SOX5: variants seen among roughly 807,000 people sequenced by gnomAD.
SOX5 encodes the protein SRY-box transcription factor 5, also known as transcription factor SOX-5.
In SOX5, 9 loss-of-function variants were observed where a neutral mutation model predicts 92.0. That is an observed-to-expected ratio of 0.10 (90% CI 0.06 to 0.17). SOX5 has a LOEUF of 0.17. Ranked by LOEUF, SOX5 falls within the 10% of genes least tolerant of loss-of-function variation. The probability of loss-of-function intolerance (pLI) is 1.00; values close to 1 mark genes in which losing one functional copy is unlikely to be tolerated. For missense variants in SOX5, 642 were observed against 944.5 expected (o/e 0.68, Z 4.20); for synonymous variants, 344 against 336.3 (o/e 1.02, Z -0.25).
At chr12:23,822,695 A>G (rs767364440) in intron 3 of SOX5, among the ~76,000 whole-genome samples, 1 of 152,066 alleles carries the variant, frequency 6.6e-6, no homozygotes, top group Non-Finnish European at 1.5e-5. Flanking sequence ...TGTCTTGTTG[A>G]TCTAATATTG....
rs566444538 is a variant in SOX5, at chr12:24,544,878, A to G, written c.-251+17451T>C. On this transcript the variant is annotated intron_variant, in intron 1 of 4. Transcript: ENST00000446891. Reference sequence around the variant, plus strand: ...ATTTGAAGTGGGTGCAAAAAGAAGAAAAAGTCAACTGGCATGTTAGAAGAA... The same window carrying G: ...ATTTGAAGTGGGTGCAAAAAGAAGAGAAAGTCAACTGGCATGTTAGAAGAA... Among the ~76,000 whole-genome samples the G allele has an allele frequency of 7.9e-5, 12 of 152,352 alleles. No homozygotes were observed. The South Asian group carries it at 2.3e-3, about 29-fold the overall frequency.
intron 1 of SOX5, among the ~76,000 whole-genome samples, chr12:24,418,235 T>G (rs117643794): frequency 0.014 from 2,184 of 152,324 alleles, 23 homozygotes; most frequent in Middle Eastern, 0.024. Flanking sequence ...AATATCCCTT[T>G]CATTCCTTCC....
At chr12:24,418,804 C>T (rs372196463) in intron 1 of SOX5, among the ~76,000 whole-genome samples, 2 of 152,120 alleles carry the variant, frequency 1.3e-5, no homozygotes, top group African/African-American at 2.4e-5. Context: ...AATAATATAT[C>T]GTATTTTTCT....
chr12:24,068,830 T>C (rs1941321608), intron 4 of SOX5, among the ~76,000 whole-genome samples: 1 of 149,086 alleles, frequency 6.7e-6, no homozygotes, highest in Non-Finnish European at 1.5e-5. Context: ...GCAAAAAAGA[T>C]GCAGAAGGGC....
intron 4 of SOX5, among the ~76,000 whole-genome samples, chr12:24,198,758 A>G (rs1231780335): frequency 6.6e-6 from 1 of 152,234 alleles, no homozygotes; most frequent in Non-Finnish European, 1.5e-5. Flanking sequence ...TAGGGAGAAG[A>G]AAGATTCACC....
intron 4 of SOX5, among the ~76,000 whole-genome samples, chr12:24,195,891 T>C (rs1326565287): frequency 6.6e-6 from 1 of 152,194 alleles, no homozygotes; most frequent in Non-Finnish European, 1.5e-5. Flanking sequence ...TGTGTGTCTG[T>C]GTGTGTGTTT....
intron 14 of SOX5, 140 bp from the exon 15 acceptor site, chr12:23,534,662 C>G: frequency 1.6e-6 from 1 of 641,796 alleles, no homozygotes; most frequent in South Asian, 2.1e-5. Flanking sequence ...TTTTCAAACT[C>G]CATCCTACTT....
chr12:24,006,099 G>C (rs1399086671), intron 4 of SOX5, among the ~76,000 whole-genome samples: 4 of 152,014 alleles, frequency 2.6e-5, no homozygotes, highest in Non-Finnish European at 5.9e-5. Context: ...ATCTACAATG[G>C]GAAAAAATTA....
Position 24,493,130 on chromosome 12 carries a change from A to G in SOX5, c.-251+69199T>C, listed in dbSNP as rs910604059. ...GACTTTGTGAGGCCTGCCTATTTTA[A>G]AGCTCCCAACAAATGATATCCTTTT... is the stretch of plus-strand genomic sequence containing the variant. On this transcript the variant is annotated intron_variant, in intron 1 of 4. Transcript: ENST00000446891. Among the ~76,000 whole-genome samples, 11 of 152,072 alleles carry G rather than the reference A, an allele frequency of 7.2e-5. No homozygotes were observed. The South Asian group carries it at 1.9e-3, about 26-fold the overall frequency.
At position 23,744,076 on chromosome 12, in the gene SOX5, C is replaced by G. The variant is rs371604502; in HGVS notation, c.569-3037G>C. On this transcript the variant is annotated intron_variant, in intron 4 of 14. Coordinates refer to ENST00000451604, the MANE Select transcript of SOX5 (RefSeq NM_006940.6). The stretch of plus-strand genomic sequence containing the variant: ...CATCTTGCTGCATCTTCAGCATTCT[C>G]ACATGACTTCCTAGACATGATTTCA... Among the ~76,000 whole-genome samples, 7 of 152,312 alleles carry G rather than the reference C, an allele frequency of 4.6e-5. No homozygotes were observed. The East Asian group carries it at 1.2e-3, about 25-fold the overall frequency.
At chr12:23,773,960 T>C (rs998201661) in intron 3 of SOX5, among the ~76,000 whole-genome samples, 2 of 151,538 alleles carry the variant, frequency 1.3e-5, no homozygotes, top group African/African-American at 4.9e-5. Context: ...GAATTTTGGT[T>C]CTGTTCTTTA....
intron 5 of SOX5, chr12:23,738,549 C>T (rs1251759113): frequency 6.6e-6 from 1 of 151,954 alleles, no homozygotes; most frequent in African/African-American, 2.4e-5. Context: ...TTGTAAAGTT[C>T]CAAGGAGAAT....
chr12:24,123,962 C>T (rs970966292), intron 4 of SOX5, among the ~76,000 whole-genome samples: 48 of 152,318 alleles, frequency 3.2e-4, no homozygotes, highest in East Asian at 1.3e-3. Flanking sequence ...AAGAGTCTCA[C>T]CTTGTGCTAA....
intron 3 of SOX5, among the ~76,000 whole-genome samples, chr12:23,807,913 G>T (rs904414925): frequency 1.3e-5 from 2 of 152,058 alleles, no homozygotes; most frequent in Non-Finnish European, 2.9e-5. Context: ...CTCACAAAGC[G>T]TTGGGATTAC....
At position 24,048,282 on chromosome 12, in the gene SOX5, T is replaced by C. The variant is rs913457472; in HGVS notation, c.-1-152258A>G. 2.6e-5 allele frequency among the ~76,000 whole-genome samples: 4 copies of C among 152,146 alleles called. No individual in the cohort carries two copies. The South Asian group carries it at 6.2e-4, about 24-fold the overall frequency. On this transcript the variant is annotated intron_variant, in intron 4 of 4. Coordinates refer to the SOX5 transcript ENST00000446891. ...AGTTCATACGTGGTGAAGTTGGGAT[T>C]CAAATTTAGATGTATTATAAAACTC...
chr12:24,199,440 T>G (rs1957313317), intron 4 of SOX5, among the ~76,000 whole-genome samples: 1 of 152,166 alleles, frequency 6.6e-6, no homozygotes, highest in South Asian at 2.1e-4. Flanking sequence ...CCAATTAAAC[T>G]TAGAATCTCT....
At chr12:24,097,862 T>C (rs1418985860) in intron 4 of SOX5, among the ~76,000 whole-genome samples, 1 of 152,172 alleles carries the variant, frequency 6.6e-6, no homozygotes, top group Non-Finnish European at 1.5e-5. Context: ...TGTAAAAGTC[T>C]ACTGTATGAT....
At chr12:23,894,451 T>C (rs1463196730) in intron 2 of SOX5, among the ~76,000 whole-genome samples, 1 of 152,084 alleles carries the variant, frequency 6.6e-6, no homozygotes, top group Non-Finnish European at 1.5e-5. Flanking sequence ...AGTCTTGAAC[T>C]CCTGACCTCA....
At position 23,744,208 on chromosome 12, in the gene SOX5, C is replaced by T. The variant is rs562210382; in HGVS notation, c.569-3169G>A. Among the ~76,000 whole-genome samples, 31 of 152,292 alleles carry T rather than the reference C, an allele frequency of 2.0e-4. No individual in the cohort carries two copies. The South Asian group carries it at 5.8e-3, about 29-fold the overall frequency. Reference sequence around the variant, plus strand: ...TATTCTCCCCAGTCCCATTCTTTACCTTTTCCGTCCTTGAACTAACATGCT... The same window carrying T: ...TATTCTCCCCAGTCCCATTCTTTACTTTTTCCGTCCTTGAACTAACATGCT... On this transcript the variant is annotated intron_variant, in intron 4 of 14. Transcript: ENST00000451604.
Sources: gnomAD v4.1 joint callset for allele counts (sites outside exome capture counted in the v4.1 genomes callset) on GRCh38, gnomAD v4.1.1 for gene constraint, MANE v1.5 for transcripts, NCBI Gene and HGNC (gene_info 2026-07-23, HGNC 2026-07-21) for gene names.